The following GAS2L2 variants were observed in gnomAD, a reference collection of about 807,000 sequenced individuals.
The protein encoded by GAS2L2 is GAS2-like protein 2.
GAS2L2 carries 21 observed loss-of-function variants against 35.2 expected under a neutral mutation model. The ratio of observed to expected loss-of-function variants is 0.60; its 90% confidence interval spans 0.42 to 0.86. The LOEUF (loss-of-function observed/expected upper bound fraction) is 0.86. Among genes scored for constraint, GAS2L2 ranks in the 40% least tolerant of loss-of-function variants. The pLI is 0.00. For missense variants in GAS2L2, 1,169 were observed against 1,144.4 expected, an observed-to-expected ratio of 1.02 and a Z score of -0.31; for synonymous variants, 490 against 473.2, an observed-to-expected ratio of 1.04 and a Z score of -0.46.
chr17:35,744,982 C>T lies in GAS2L2; in HGVS notation c.2515G>A (p.Glu839Lys), dbSNP rs991570243. The T allele has an allele frequency of 6.2e-7, 1 of 1,614,128 alleles. No individual in the cohort carries two copies. Among genetic ancestry groups the T allele is most frequent in the Non-Finnish European group, 8.5e-7 (1 of 1,180,026 alleles). ...TCTTTCTCCTCCTTTCCTTCCTCCT[C>T]CTCCTCACCTACTGAAGCTCCATCC... ...RVDGASVGEE[E>K]EEGKEEKEPA... The change falls in exon 6 of 6, where the codon GAG becomes AAG. Residue 839 changes from glutamate to lysine, a missense_variant. Glu to Lys is a moderately conservative substitution (Grantham distance 56). Around this residue, in one of 3 missense-constraint regions of GAS2L2, gnomAD observed 1,035 missense variants for 976.5 expected, o/e 1.06. Coordinates refer to ENST00000604641, the MANE Select transcript of GAS2L2 (RefSeq NM_139285.4).
Position 35,747,210 on chromosome 17 carries a change from C to CCTTA in GAS2L2, c.887_890dup (p.Arg297SerfsTer115), listed in dbSNP as rs587633197. ...GGGTCTGTGAGGGTCCATCCTGTAC[C>CCTTA]CTTACTTCATGCTGCACTGGTGGGG... On this transcript the variant is annotated frameshift_variant, in exon 5 of 6. Coordinates refer to ENST00000604641, the MANE Select transcript of GAS2L2 (RefSeq NM_139285.4). LOFTEE classifies it high-confidence loss of function. The CCTTA allele has an allele frequency of 3.7e-6, 6 of 1,613,774 alleles. No homozygotes were observed. In the African/African-American group the frequency reaches 8.0e-5, roughly 22 times the overall value.
At position 35,745,596 on chromosome 17, in the gene GAS2L2, C is replaced by T. The variant is rs1202728069; in HGVS notation, c.1901G>A (p.Gly634Glu). The T allele has an allele frequency of 6.8e-6, 11 of 1,613,940 alleles. No homozygotes were observed. The highest frequency in any genetic ancestry group is 1.1e-5 in the South Asian group (1 of 91,092). ...CCCAGCCAGCCTGGGGATGTAGACCCCACTGCGAGGGATGACCCCAGACCT... is the reference window on the plus strand; with the variant it reads ...CCCAGCCAGCCTGGGGATGTAGACCTCACTGCGAGGGATGACCCCAGACCT... ...GTRSGVIPRS[G>E]VYIPRLAGQW... The change falls in exon 6 of 6, where the codon GGG becomes GAG. Residue 634 changes from glycine to glutamate, a missense_variant. Transcript: ENST00000604641.
intron 2 of GAS2L2, 51 bp downstream of exon 2, chr17:35,750,026 C>A (rs782223631): frequency 1.3e-6 from 2 of 1,573,986 alleles, no homozygotes; most frequent in Non-Finnish European, 1.7e-6. Flanking sequence ...GGGAGAGGAG[C>A]ACGAAGGACA....
Position 35,746,073 on chromosome 17 carries a change from CG to C in GAS2L2, c.1423del (p.Arg475GlyfsTer26), listed in dbSNP as rs782713158. On this transcript the variant is annotated frameshift_variant, in exon 6 of 6. Transcript: ENST00000604641. LOFTEE classifies it low-confidence loss of function (END_TRUNC). ...AECLGLRLPL[R>X]DEAKGAFFQF... ...GAAGAACGCACCCTTGGCCTCATCC[CG>C]GAGTGGCAGCCTGAGGCCCAGGCAC... The C allele has an allele frequency of 6.6e-7, 1 of 1,520,632 alleles. No homozygotes were observed. The highest frequency in any genetic ancestry group is 8.8e-7 in the Non-Finnish European group (1 of 1,134,648). 94.2% of individuals were successfully genotyped at this position (1,520,632 alleles called of 1,614,324 possible).
Position 35,746,271 on chromosome 17 carries a change from G to A in GAS2L2, c.1226C>T (p.Pro409Leu), listed in dbSNP as rs587630648. The stretch of plus-strand genomic sequence containing the variant: ...GGGAATCCTTCCCCTGGGGAGTTCA[G>A]GGGGGTATCTCTCCTCCCTCTTTCC... ...SSGKREERYP[P>L]ELPRGRIPTS... Residue 409 changes from proline (P) to leucine (L), a missense_variant, in exon 6 of 6, where the codon CCT becomes CTT. Physicochemically the swap from Pro to Leu is moderately conservative, Grantham distance 98 (BLOSUM62 -3). Transcript: ENST00000604641. The A allele has an allele frequency of 1.4e-6, 2 of 1,453,754 alleles. No homozygotes were observed. Among genetic ancestry groups the A allele is most frequent in the African/African-American group, 1.4e-5 (1 of 71,068 alleles). The allele number at this position is 1,453,754 out of a possible 1,614,324, so 90.1% of individuals were successfully genotyped here. A position where few individuals can be genotyped will look rare whatever the true frequency, so the allele number is the denominator to read the frequency against.
chr17:35,747,944 A>T lies in GAS2L2; in HGVS notation c.737T>A (p.Ile246Asn), dbSNP rs782738507. 1 of 1,612,554 alleles carries T rather than the reference A, an allele frequency of 6.2e-7. No individual in the cohort carries two copies. Among genetic ancestry groups the T allele is most frequent in the Non-Finnish European group, 8.5e-7 (1 of 1,179,078 alleles). ...GDSNTLIFIR[I>N]LRNHVMVRVG... The stretch of plus-strand genomic sequence containing the variant: ...ACGTACCATCACATGGTTCCGGAGG[A>T]TCTGAGGGGGCAAGGGTGAGGTTAA... The change falls in exon 4 of 6, where the codon ATC becomes AAC. Residue 246 changes from isoleucine to asparagine, a missense_variant and splice_region_variant. Around this residue, in one of 3 missense-constraint regions of GAS2L2, gnomAD observed 1,035 missense variants for 976.5 expected, o/e 1.06. Coordinates refer to ENST00000604641, the MANE Select transcript of GAS2L2 (RefSeq NM_139285.4).
At chr17:35,751,388 C>A (rs1555599750) in intron 1 of GAS2L2, among the ~76,000 whole-genome samples, 1 of 152,182 alleles carries the variant, frequency 6.6e-6, no homozygotes, top group East Asian at 1.9e-4. Flanking sequence ...CTCAGCCCAG[C>A]TGGGTGTGGT....
chr17:35,749,227 G>GT lies in GAS2L2; in HGVS notation c.628-11_628-10insA. 6.3e-7 allele frequency: 1 copy of GT among 1,595,482 alleles called. No individual in the cohort carries two copies. On this transcript the variant is annotated splice_polypyrimidine_tract_variant and intron_variant, in intron 2 of 5. Coordinates refer to ENST00000604641, the MANE Select transcript of GAS2L2 (RefSeq NM_139285.4). ...TCACAAGGCTCTGCACCTGCGGGCG[G>GT]GTGGTGAACTCAGCCCTCTCCTTTG...
chr17:35,747,964 G>A lies in GAS2L2; in HGVS notation c.736-19C>T, dbSNP rs2085679992. ...GGAGGATCTGAGGGGGCAAGGGTGA[G>A]GTTAAGGGCGGGGTGGAGGGCAGCC... On this transcript the variant is annotated intron_variant, in intron 3 of 5. Coordinates refer to ENST00000604641, the MANE Select transcript of GAS2L2 (RefSeq NM_139285.4). The A allele has an allele frequency of 6.2e-7, 1 of 1,601,692 alleles. No homozygotes were observed. The highest frequency in any genetic ancestry group is 8.5e-7 in the Non-Finnish European group (1 of 1,169,978).
At chr17:35,748,045 C>A in intron 3 of GAS2L2, 100 bp from the exon 4 acceptor site, 1 of 783,020 alleles carries the variant, frequency 1.3e-6, no homozygotes, top group Non-Finnish European at 2.2e-6. Flanking sequence ...TGCTCTCATC[C>A]ATGTACCCAT....
Position 35,746,330 on chromosome 17 carries a change from G to A in GAS2L2, c.1167C>T (p.Thr389=). 7.2e-7 allele frequency: 1 copy of A among 1,395,110 alleles called. No homozygotes were observed. The highest frequency in any genetic ancestry group is 9.4e-7 in the Non-Finnish European group (1 of 1,069,138). 86.4% of individuals were successfully genotyped at this position (1,395,110 alleles called of 1,614,324 possible). A position where few individuals can be genotyped will look rare whatever the true frequency, so the allele number is the denominator to read the frequency against. ...DSPPSPQSSS[T]QKGRDPQCTS... Reference sequence around the variant, plus strand: ...TACACTGTGGGTCTCGGCCTTTTTGGGTAGATGAGGACTGGGGGCTGGGTG... The same window carrying A: ...TACACTGTGGGTCTCGGCCTTTTTGAGTAGATGAGGACTGGGGGCTGGGTG... The change falls in exon 6 of 6, where the codon ACC becomes ACT. Residue 389 remains threonine, a synonymous_variant. Coordinates refer to ENST00000604641, the MANE Select transcript of GAS2L2 (RefSeq NM_139285.4).
At position 35,745,296 on chromosome 17, in the gene GAS2L2, G is replaced by A; in HGVS notation, c.2201C>T (p.Ala734Val). ...GQDCSASTVS[A>V]SPEAPTPSPL... ...CGAAGGTGTGGGGGCCTCCGGGCTG[G>A]CAGACACAGTAGAAGCCGAGCAGTC... Residue 734 changes from alanine (A) to valine (V), a missense_variant, in exon 6 of 6, where the codon GCC (alanine) becomes GTC (valine). By Grantham distance (64) the Ala-to-Val change is moderately conservative (BLOSUM62 0). Coordinates refer to ENST00000604641, the MANE Select transcript of GAS2L2 (RefSeq NM_139285.4). 6.2e-7 allele frequency: 1 copy of A among 1,611,916 alleles called. No individual in the cohort carries two copies.
chr17:35,746,133 G>C lies in GAS2L2; in HGVS notation c.1364C>G (p.Pro455Arg). 2 of 1,508,782 alleles carry C rather than the reference G, an allele frequency of 1.3e-6. No individual in the cohort carries two copies. Among genetic ancestry groups the C allele is most frequent in the Non-Finnish European group, 1.8e-6 (2 of 1,128,630 alleles). The allele number at this position is 1,508,782 out of a possible 1,614,324, so 93.5% of individuals were successfully genotyped here. A position where few individuals can be genotyped will look rare whatever the true frequency, so the allele number is the denominator to read the frequency against. ...GCCAAAGGAACGAGGCAGGGGAGATGGTCCTCTTGCTGATATCCCTTTGGT... is the reference window on the plus strand; with the variant it reads ...GCCAAAGGAACGAGGCAGGGGAGATCGTCCTCTTGCTGATATCCCTTTGGT... ...ATTKGISARG[P>R]SPLPRSFGPA... The change falls in exon 6 of 6, where the codon CCA becomes CGA. Residue 455 changes from proline to arginine, a missense_variant. This residue lies in a region of GAS2L2 where 1,035 missense variants were observed against 976.5 expected (regional missense o/e 1.06). Coordinates refer to ENST00000604641, the MANE Select transcript of GAS2L2 (RefSeq NM_139285.4).
chr17:35,746,449 A>C (rs781944097), intron 5 of GAS2L2, 38 bp from the exon 6 acceptor site: 6 of 1,287,504 alleles, frequency 4.7e-6, no homozygotes, highest in South Asian at 3.1e-5. Context: ...AGGGAGACTC[A>C]TCAGGCCGGC....
chr17:35,750,290 C>T lies in GAS2L2; in HGVS notation c.414G>A (p.Leu138=), dbSNP rs782169114. ...CGTTCTTCACGTTCTTGCGCAGCAC[C>T]AAGTCCTCCGTCTCGAACATCAGCA... ...QEVLMFETED[L]VLRKNVKNVV... The change falls in exon 2 of 6, where the codon TTG becomes TTA. Residue 138 remains leucine (L), a synonymous_variant. Coordinates refer to ENST00000604641, the MANE Select transcript of GAS2L2 (RefSeq NM_139285.4). 1 of 1,613,846 alleles carries T rather than the reference C, an allele frequency of 6.2e-7. No individual in the cohort carries two copies. The highest frequency in any genetic ancestry group is 8.5e-7 in the Non-Finnish European group (1 of 1,179,950).
chr17:35,747,913 C>A lies in GAS2L2; in HGVS notation c.768G>T (p.Gly256=). 6.2e-7 allele frequency: 1 copy of A among 1,613,902 alleles called. No individual in the cohort carries two copies. Among genetic ancestry groups the A allele is most frequent in the East Asian group, 2.2e-5 (1 of 44,868 alleles). Residue 256 remains glycine, a synonymous_variant, in exon 4 of 6, where the codon GGG becomes GGT. Transcript: ENST00000604641. ...AATGGCCCAGTGTGTCCCAGCCGCC[C>A]CCTACACGTACCATCACATGGTTCC... ...ILRNHVMVRV[G]GGWDTLGHYL...
Position 35,746,230 on chromosome 17 carries a change from C to T in GAS2L2, c.1267G>A (p.Glu423Lys). ...RGRIPTSWVHEETDSWGTDAG... is the reference protein window; with the variant it reads ...RGRIPTSWVHKETDSWGTDAG... ...TCGGTTCCCCAGCTGTCTGTTTCTT[C>T]ATGAACCCAAGATGTGGGAATCCTT... The change falls in exon 6 of 6, where the codon GAA (glutamate) becomes AAA (lysine). Residue 423 changes from glutamate (E) to lysine (K), a missense_variant. Physicochemically the swap from Glu to Lys is moderately conservative, Grantham distance 56 (BLOSUM62 1). Around this residue, in one of 3 missense-constraint regions of GAS2L2, gnomAD observed 1,035 missense variants for 976.5 expected, o/e 1.06. Transcript: ENST00000604641. 2 of 1,477,238 alleles carry T rather than the reference C, an allele frequency of 1.4e-6. No individual in the cohort carries two copies. Among genetic ancestry groups the T allele is most frequent in the Non-Finnish European group, 1.8e-6 (2 of 1,112,936 alleles). The allele number at this position is 1,477,238 out of a possible 1,614,324, so 91.5% of individuals were successfully genotyped here.
chr17:35,747,864 G>A lies in GAS2L2; in HGVS notation c.817C>T (p.Arg273Cys), dbSNP rs140842796. ...GHYLDKHDPC[R>C]CTSLSHKPGS... Reference sequence around the variant, plus strand: ...GGGGACTCACAGAGGGATGTGCAGCGGCAGGGGTCATGTTTGTCCAGGTAA... The same window carrying A: ...GGGGACTCACAGAGGGATGTGCAGCAGCAGGGGTCATGTTTGTCCAGGTAA... The change falls in exon 4 of 6, where the codon CGC becomes TGC. Residue 273 changes from arginine (R) to cysteine (C), a missense_variant. Coordinates refer to ENST00000604641, the MANE Select transcript of GAS2L2 (RefSeq NM_139285.4). The A allele has an allele frequency of 3.4e-4, 542 of 1,613,706 alleles. 3 individuals are homozygous for A. In the East Asian group the frequency reaches 6.8e-3, roughly 20 times the overall value.
rs782040670 is a variant in GAS2L2, at chr17:35,745,186, T to C, written c.2311A>G (p.Ile771Val). ...CTGGGTCTCAGCTTCAGCTTGTAGA[T>C]GGACGGGACCCTCTTGGGCTTCCGG... ...TLRKPKRVPS[I>V]YKLKLRPRIR... Residue 771 changes from isoleucine to valine, a missense_variant, in exon 6 of 6, where the codon ATC (isoleucine) becomes GTC (valine). Physicochemically the swap from Ile to Val is conservative, Grantham distance 29 (BLOSUM62 3). Coordinates refer to ENST00000604641, the MANE Select transcript of GAS2L2 (RefSeq NM_139285.4). The C allele has an allele frequency of 3.7e-6, 6 of 1,611,924 alleles. No homozygotes were observed. The highest frequency in any genetic ancestry group is 1.3e-5 in the African/African-American group (1 of 75,006).
Sources: allele counts gnomAD v4.1 joint callset (sites outside exome capture counted in the v4.1 genomes callset), GRCh38; gene constraint gnomAD v4.1.1; regional missense constraint gnomAD v4.1.1; transcripts MANE v1.5; gene names NCBI Gene and HGNC (gene_info 2026-07-23, HGNC 2026-07-21).